The following CELF2 variants were observed in gnomAD, a reference collection of about 807,000 sequenced individuals.
CELF2 encodes CUG triplet repeat RNA-binding protein 2.
In CELF2, 8 loss-of-function variants were observed where a neutral mutation model predicts 62.6. The ratio of observed to expected loss-of-function variants is 0.13; its 90% CI spans 0.07 to 0.23. CELF2 has a LOEUF of 0.23. CELF2 is among the 10% of genes least tolerant of loss of function. The probability of loss-of-function intolerance (pLI) is 1.00; values close to 1 mark genes in which losing one functional copy is unlikely to be tolerated. For missense variants in CELF2, 333 were observed against 671.0 expected, an observed-to-expected ratio of 0.50 and a Z score of 5.56; for synonymous variants, 258 against 250.0, an observed-to-expected ratio of 1.03 and a Z score of -0.30.
Position 10,972,271 on chromosome 10 carries a change from A to G in CELF2, c.89+52272A>G, listed in dbSNP as rs1277005294. ...TGAATAGGTTTTATAGAAAATGAAG[A>G]GTTCTGTGGTTAAATGATTTTAGGA... On this transcript the variant is annotated intron_variant, in intron 2 of 13. Coordinates refer to the CELF2 transcript ENST00000636488. The surrounding 1 kb of genome is among the most constrained non-coding windows in gnomAD (Gnocchi z 4.4). Among the ~76,000 whole-genome samples, 1 of 152,204 alleles carries G rather than the reference A, an allele frequency of 6.6e-6. No homozygotes were observed. The highest frequency in any genetic ancestry group is 1.5e-5 in the Non-Finnish European group (1 of 68,042).
rs141742554 is a variant in CELF2 at position 11,224,993 on chromosome 10, C to T, written c.354+7486C>T. ...AGCGCGCTGGACACTTACAGGAGGG[C>T]GGTGTGGGGAGGGAAAGAAGTTTCG... On this transcript the variant is annotated intron_variant, in intron 3 of 12. Coordinates refer to ENST00000633077, the MANE Select transcript of CELF2 (RefSeq NM_001326342.2). This position sits in a 1 kb window ranked among gnomAD's most constrained non-coding sequence, Gnocchi z 4.5. 1.3e-5 allele frequency among the ~76,000 whole-genome samples: 2 copies of T among 152,142 alleles called. No homozygotes were observed. Among genetic ancestry groups the T allele is most frequent in the African/African-American group, 2.4e-5 (1 of 41,474 alleles).
intron 2 of CELF2, among the ~76,000 whole-genome samples, chr10:11,201,651 A>G (rs1456498268): frequency 6.6e-6 from 1 of 152,186 alleles, no homozygotes; most frequent in East Asian, 1.9e-4. Flanking sequence ...ACTTCAGCAG[A>G]CACTGGTAGT....
the CELF2 span, among the ~76,000 whole-genome samples, chr10:10,714,265 G>T: frequency 6.6e-6 from 1 of 152,002 alleles, no homozygotes; most frequent in East Asian, 1.9e-4. Flanking sequence ...CTGTTATTTC[G>T]TCTGTAATTG....
the CELF2 span, among the ~76,000 whole-genome samples, chr10:10,539,302 T>C: frequency 6.6e-6 from 1 of 152,238 alleles, no homozygotes; most frequent in Non-Finnish European, 1.5e-5. Flanking sequence ...CTTAGCACAA[T>C]GTTTGCCTGT....
rs553333594 is a variant in CELF2 at position 10,916,551 on chromosome 10, TA to T, written c.54-3410del. 1.2e-3 allele frequency among the ~76,000 whole-genome samples: 185 copies of T among 152,372 alleles called. 1 individual carries two copies. The highest frequency in any genetic ancestry group is 4.2e-3 in the African/African-American group (174 of 41,582). ...GTCTTTGAATGTGTGATTCACTGAA[TA>T]AAGTTCTGCATTGTCTTTTGTGCAT... On this transcript the variant is annotated intron_variant, in intron 1 of 13. Transcript: ENST00000636488.
chr10:11,234,617 G>A (rs1485924284), intron 3 of CELF2, among the ~76,000 whole-genome samples: 2 of 141,792 alleles, frequency 1.4e-5, no homozygotes, highest in African/African-American at 5.3e-5. Context: ...GGGGGGCGGA[G>A]CCTGCAGTGA....
the CELF2 span, among the ~76,000 whole-genome samples, chr10:10,575,288 A>G: frequency 6.6e-6 from 1 of 152,152 alleles, no homozygotes; most frequent in South Asian, 2.1e-4. Context: ...ATAAGGTCTA[A>G]CTCATGGAAG....
chr10:11,296,978 G>C lies in CELF2; in HGVS notation c.976+8426G>C, dbSNP rs998374264. Among the ~76,000 whole-genome samples, 2 of 152,202 alleles carry C rather than the reference G, an allele frequency of 1.3e-5. No individual in the cohort carries two copies. Among genetic ancestry groups the C allele is most frequent in the Non-Finnish European group, 2.9e-5 (2 of 68,032 alleles). ...GCCCACCGGGGACCCTGAGAGCCGG[G>C]GCTCAGGAGCTGGGACTTTTCCTGT... On this transcript the variant is annotated intron_variant, in intron 9 of 12. Coordinates refer to ENST00000633077, the MANE Select transcript of CELF2 (RefSeq NM_001326342.2). The surrounding 1 kb of genome is among the most constrained non-coding windows in gnomAD (Gnocchi z 5.0).
the CELF2 span, among the ~76,000 whole-genome samples, chr10:10,528,198 T>C: frequency 6.6e-6 from 1 of 152,046 alleles, no homozygotes; most frequent in African/African-American, 2.4e-5. Flanking sequence ...ATAAAGTTAA[T>C]ACAGCAGAAA....
At chr10:10,506,190 A>AC in the CELF2 span, among the ~76,000 whole-genome samples, 2 of 152,056 alleles carry the variant, frequency 1.3e-5, no homozygotes, top group African/African-American at 4.8e-5. Flanking sequence ...AAAGTAAAAA[A>AC]GATCATTGGA....
chr10:10,887,415 C>T (rs987716667), intron 1 of CELF2, among the ~76,000 whole-genome samples: 3 of 152,294 alleles, frequency 2.0e-5, no homozygotes, highest in African/African-American at 7.2e-5. Flanking sequence ...GTTATGTAAG[C>T]AGTTCAGGCA....
chr10:10,563,011 C>G, the CELF2 span, among the ~76,000 whole-genome samples: 1 of 152,126 alleles, frequency 6.6e-6, no homozygotes, highest in Non-Finnish European at 1.5e-5. Context: ...CCCACCTTCT[C>G]TTTTCTTTTA....
intron 3 of CELF2, among the ~76,000 whole-genome samples, chr10:11,239,413 G>A (rs2072911887): frequency 1.3e-5 from 2 of 152,110 alleles, no homozygotes; most frequent in Admixed American, 6.5e-5. Flanking sequence ...TATATCCCAG[G>A]TGACCGAGAA....
At chr10:10,786,023 GA>G in the CELF2 span, among the ~76,000 whole-genome samples, 138 of 151,934 alleles carry the variant, frequency 9.1e-4, 1 homozygote, top group Non-Finnish European at 1.2e-3. Flanking sequence ...TTGTCAATTA[GA>G]AAAAAACTAA....
chr10:10,626,451 A>T, the CELF2 span, among the ~76,000 whole-genome samples: 1 of 152,126 alleles, frequency 6.6e-6, no homozygotes, highest in Non-Finnish European at 1.5e-5. Context: ...AAATTTCCTA[A>T]ACGTGATTAA....
the CELF2 span, among the ~76,000 whole-genome samples, chr10:10,763,982 G>A: frequency 2.0e-5 from 3 of 152,220 alleles, no homozygotes; most frequent in Non-Finnish European, 4.4e-5. Flanking sequence ...AGTATTTCAC[G>A]CTGTGCGGCT....
Position 11,290,453 on chromosome 10 carries a change from C to T in CELF2, c.976+1901C>T, listed in dbSNP as rs1306054427. Among the ~76,000 whole-genome samples, 1 of 151,394 alleles carries T rather than the reference C, an allele frequency of 6.6e-6. No homozygotes were observed. The highest frequency in any genetic ancestry group is 1.5e-5 in the Non-Finnish European group (1 of 67,940). On this transcript the variant is annotated intron_variant, in intron 9 of 12. Transcript: ENST00000633077. The surrounding 1 kb of genome is among the most constrained non-coding windows in gnomAD (Gnocchi z 4.3). ...TGGGAGGAGTGTGAGCTTGTTGCAA[C>T]CTTCTTAAAATGTGGGCTACTGGAG...
intron 1 of CELF2, among the ~76,000 whole-genome samples, chr10:11,103,143 A>G (rs2052258248): frequency 2.0e-5 from 3 of 152,104 alleles, no homozygotes. Context: ...TTGTTGAGTG[A>G]CTTCTGTACA....
intron 9 of CELF2, among the ~76,000 whole-genome samples, chr10:11,313,790 T>TAA (rs60108238): frequency 8.3e-5 from 12 of 143,784 alleles, no homozygotes; most frequent in African/African-American, 2.8e-4. Context: ...CCCATAGGCT[T>TAA]AAAAAAAAAA....
Sources: gnomAD v4.1 joint callset for allele counts (sites outside exome capture counted in the v4.1 genomes callset) on GRCh38, gnomAD v4.1.1 for gene constraint, Gnocchi (gnomAD v3.1) non-coding constraint, MANE v1.5 for transcripts, NCBI Gene and HGNC (gene_info 2026-07-23, HGNC 2026-07-21) for gene names.